Variants in VDAC1 observed in about 807,000 individuals in gnomAD.
VDAC1 encodes voltage dependent anion channel 1.
In VDAC1, 10 loss-of-function variants were observed where a neutral mutation model predicts 34.7. The observed-to-expected ratio is 0.29, with a 90% CI of 0.18 to 0.49. The LOEUF is 0.49. Among genes scored for constraint, VDAC1 ranks in the 20% least tolerant of loss-of-function variants. The pLI is 0.99. For synonymous variants in VDAC1, 130 were observed against 136.0 expected (o/e 0.96, Z 0.30); for missense variants, 230 against 347.9 (o/e 0.66, Z 2.69).
the VDAC1 span, among the ~76,000 whole-genome samples, chr5:134,053,927 C>G: frequency 6.6e-6 from 1 of 152,168 alleles, no homozygotes; most frequent in South Asian, 2.1e-4. Context: ...AGAAGTCTTA[C>G]GTTATGACTT....
At chr5:134,085,559 C>A in the VDAC1 span, among the ~76,000 whole-genome samples, 1 of 151,478 alleles carries the variant, frequency 6.6e-6, no homozygotes, top group African/African-American at 2.4e-5. Flanking sequence ...GCAGAGAACA[C>A]CTCAGGGGTT....
chr5:134,028,047 A>G, the VDAC1 span, among the ~76,000 whole-genome samples: 2 of 151,608 alleles, frequency 1.3e-5, no homozygotes, highest in African/African-American at 4.8e-5. Flanking sequence ...CTGAGATTAC[A>G]GGCATGAGCC....
At chr5:134,040,399 A>G in the VDAC1 span, among the ~76,000 whole-genome samples, 1 of 152,226 alleles carries the variant, frequency 6.6e-6, no homozygotes, top group Non-Finnish European at 1.5e-5. Flanking sequence ...ACATAGTGAA[A>G]TCCCATCTCT....
Position 133,992,371 on chromosome 5 carries a change from G to T in VDAC1, c.68-16C>A. The T allele has an allele frequency of 6.4e-7, 1 of 1,558,606 alleles. No homozygotes were observed. Among genetic ancestry groups the T allele is most frequent in the Non-Finnish European group, 8.6e-7 (1 of 1,156,244 alleles). On this transcript the variant is annotated splice_polypyrimidine_tract_variant and intron_variant, in intron 2 of 8. Coordinates refer to ENST00000265333, the MANE Select transcript of VDAC1 (RefSeq NM_003374.3). ...AAGCCAAATCCTAAAGAAAGAAGAA[G>T]ACAACTGTCAATAGGTTAAATAACT...
chr5:134,101,981 C>T, the VDAC1 span, among the ~76,000 whole-genome samples: 1 of 152,252 alleles, frequency 6.6e-6, no homozygotes, highest in African/African-American at 2.4e-5. Flanking sequence ...CAGGCGAGAA[C>T]GCTGTCGCAG....
the VDAC1 span, among the ~76,000 whole-genome samples, chr5:134,051,324 G>A: frequency 6.6e-6 from 1 of 152,236 alleles, no homozygotes; most frequent in Non-Finnish European, 1.5e-5. Flanking sequence ...ACCCACAGTG[G>A]GCTAGGCCTG....
intron 1 of VDAC1, among the ~76,000 whole-genome samples, chr5:134,003,395 A>T (rs539229532): frequency 6.6e-5 from 10 of 152,108 alleles, no homozygotes; most frequent in Non-Finnish European, 1.2e-4. Flanking sequence ...GGGGACAGGG[A>T]CCCCGGGCGG....
the VDAC1 span, among the ~76,000 whole-genome samples, chr5:134,047,815 G>A: frequency 4.8e-4 from 73 of 152,308 alleles, no homozygotes; most frequent in East Asian, 0.012. Flanking sequence ...AGGGGATGTC[G>A]CGGGGCAGGT....
At chr5:134,046,801 T>C in the VDAC1 span, among the ~76,000 whole-genome samples, 1 of 152,170 alleles carries the variant, frequency 6.6e-6, no homozygotes, top group East Asian at 1.9e-4. Flanking sequence ...TGGTTTGAGC[T>C]TCATCTCCAC....
the VDAC1 span, among the ~76,000 whole-genome samples, chr5:134,093,972 T>C: frequency 6.6e-6 from 1 of 152,214 alleles, no homozygotes; most frequent in Non-Finnish European, 1.5e-5. Flanking sequence ...GTCTGCCTCA[T>C]CTGAGAGTAA....
the VDAC1 span, among the ~76,000 whole-genome samples, chr5:134,051,517 T>C: frequency 6.6e-6 from 1 of 152,224 alleles, no homozygotes; most frequent in Non-Finnish European, 1.5e-5. Flanking sequence ...TGTGAGAACC[T>C]TGTTGAGTGA....
At chr5:134,111,370 C>T in the VDAC1 span, among the ~76,000 whole-genome samples, 142,338 of 152,194 alleles carry the variant, frequency 0.94, 66,659 homozygotes, top group African/African-American at 0.98. Flanking sequence ...CCAGAAGACT[C>T]TGGGGCCTCC....
the VDAC1 span, among the ~76,000 whole-genome samples, chr5:134,078,428 C>A: frequency 1.3e-5 from 2 of 152,064 alleles, no homozygotes; most frequent in Non-Finnish European, 2.9e-5. Flanking sequence ...CTACACAAGG[C>A]CCAGGAGGAC....
At chr5:134,043,530 T>C in the VDAC1 span, among the ~76,000 whole-genome samples, 244 of 152,268 alleles carry the variant, frequency 1.6e-3, no homozygotes, top group Non-Finnish European at 2.7e-3. Flanking sequence ...ACTTTTCTTT[T>C]TTCTTTTTTC....
chr5:134,010,217 G>A, the VDAC1 span, among the ~76,000 whole-genome samples: 2 of 152,140 alleles, frequency 1.3e-5, no homozygotes, highest in African/African-American at 4.8e-5. Context: ...CAGGAAAATG[G>A]ACAGCAGCCC....
the VDAC1 span, among the ~76,000 whole-genome samples, chr5:134,032,483 T>C: frequency 1.3e-5 from 2 of 152,162 alleles, no homozygotes; most frequent in African/African-American, 4.8e-5. Flanking sequence ...ACCTCCAACA[T>C]TACAAAGCAT....
chr5:133,980,653 A>C (rs770836901), intron 6 of VDAC1, 76 bp downstream of exon 6: 187 of 953,024 alleles, frequency 2.0e-4, no homozygotes, highest in Non-Finnish European at 2.3e-4. Context: ...AAAAAAAAAA[A>C]CAGTGAAAAG....
chr5:134,092,675 C>CA, the VDAC1 span, among the ~76,000 whole-genome samples: 4,618 of 96,900 alleles, frequency 0.048, 141 homozygotes, highest in African/African-American at 0.11. Context: ...GATTCCGTCT[C>CA]AAAAAAAAAA....
At chr5:134,003,201 A>C (rs1270501139) in intron 1 of VDAC1, among the ~76,000 whole-genome samples, 1 of 152,188 alleles carries the variant, frequency 6.6e-6, no homozygotes, top group Non-Finnish European at 1.5e-5. Context: ...ACTGAAGACA[A>C]AGTAGCACAG....
Sources: gnomAD v4.1 joint callset for allele counts (sites outside exome capture counted in the v4.1 genomes callset) on GRCh38, gnomAD v4.1.1 for gene constraint, MANE v1.5 for transcripts, NCBI Gene and HGNC (gene_info 2026-07-23, HGNC 2026-07-21) for gene names.